LRRC4B: variants seen among roughly 807,000 people sequenced by gnomAD.
LRRC4B encodes the protein leucine-rich repeat-containing protein 4B.
In LRRC4B, 1 loss-of-function variant was observed where a neutral mutation model predicts 7.3. The observed-to-expected ratio is 0.14, with a 90% CI of 0.05 to 0.65. The LOEUF (loss-of-function observed/expected upper bound fraction) is 0.65. LRRC4B is among the 30% of genes least tolerant of loss of function. LRRC4B has a pLI of 0.84. For synonymous variants in LRRC4B, 500 were observed against 499.2 expected, an observed-to-expected ratio of 1.00 and a Z score of -0.02; for missense variants, 730 against 1,041.6, an observed-to-expected ratio of 0.70 and a Z score of 4.12.
chr19:50,532,811 G>C (rs1357707084), intron 2 of LRRC4B, among the ~76,000 whole-genome samples: 1 of 152,208 alleles, frequency 6.6e-6, no homozygotes, highest in African/African-American at 2.4e-5. Context: ...GCCAAGGTCT[G>C]CTGAGTAAAC....
rs1264031892 is a variant in LRRC4B, at chr19:50,548,633, C to T, written c.206G>A (p.Arg69Gln). Residue 69 changes from arginine to glutamine, a missense_variant, in exon 2 of 3, where the codon CGG becomes CAG. Physicochemically the swap from Arg to Gln is conservative, Grantham distance 43 (BLOSUM62 1). Around this residue, in one of 6 missense-constraint regions of LRRC4B, gnomAD observed 143 missense variants for 158.4 expected, o/e 0.90. Coordinates refer to ENST00000652263, the MANE Select transcript of LRRC4B (RefSeq NM_001080457.2). The surrounding 1 kb of genome is among the most constrained non-coding windows in gnomAD (Gnocchi z 6.8). The part of the protein sequence containing the change: ...VACSCSNQAS[R>Q]VICTRRDLAE... ...CAGGTCTCTCCGTGTGCAGATCACC[C>T]GGCTGGCCTGGTTGCTGCAGGAGCA... 3 of 1,587,096 alleles carry T rather than the reference C, an allele frequency of 1.9e-6. No individual in the cohort carries two copies. Among genetic ancestry groups the T allele is most frequent in the Non-Finnish European group, 1.7e-6 (2 of 1,169,350 alleles).
In LRRC4B at chr19:50,548,973, C is replaced by A; in HGVS notation, c.-35-100G>T. 1.6e-6 allele frequency: 1 copy of A among 640,334 alleles called. No individual in the cohort carries two copies. The highest frequency in any genetic ancestry group is 2.6e-6 in the Non-Finnish European group (1 of 377,910). The allele number at this position is 640,334 out of a possible 1,614,324, so 39.7% of individuals were successfully genotyped here. A position where few individuals can be genotyped will look rare whatever the true frequency, so the allele number is the denominator to read the frequency against. On this transcript the variant is annotated intron_variant, in intron 1 of 2. Coordinates refer to ENST00000652263, the MANE Select transcript of LRRC4B (RefSeq NM_001080457.2). This position sits in a 1 kb window ranked among gnomAD's most constrained non-coding sequence, Gnocchi z 6.8. ...CCCAGGCAGCCCCATCGCCGCCTCC[C>A]TGCCCCATGCCCAGAACAAAGGGAC...
At chr19:50,529,493 G>A (rs967915593) in intron 2 of LRRC4B, among the ~76,000 whole-genome samples, 13 of 152,040 alleles carry the variant, frequency 8.6e-5, no homozygotes, top group Non-Finnish European at 1.9e-4. Context: ...AGAGAATGAG[G>A]TGGACTTTAA....
At chr19:50,561,307 C>T (rs765988760) in intron 1 of LRRC4B, among the ~76,000 whole-genome samples, 10 of 152,106 alleles carry the variant, frequency 6.6e-5, no homozygotes, top group African/African-American at 1.9e-4. Flanking sequence ...ATCCTACAAC[C>T]CCCACGTCGG....
intron 2 of LRRC4B, among the ~76,000 whole-genome samples, chr19:50,523,373 C>T (rs993112838): frequency 6.6e-6 from 1 of 152,024 alleles, no homozygotes; most frequent in African/African-American, 2.4e-5. Context: ...AGTATATGCA[C>T]CAAAAGAAAA....
rs59423387 is a variant in LRRC4B at position 50,527,348 on chromosome 19, CTTT to C, written c.298-7936_298-7934del. Among the ~76,000 whole-genome samples, 238 of 124,474 alleles carry C rather than the reference CTTT, an allele frequency of 1.9e-3. 4 individuals carry two copies. The South Asian group carries it at 0.019, about 10-fold the overall frequency. 81.7% of individuals were successfully genotyped at this position (124,474 alleles called of 152,430 possible). ...CGCCCGGCTGTTTTCTTTCTTTTTT[CTTT>C]TTTTTTTTTTTTTTTTAGTAGAGAG... On this transcript the variant is annotated intron_variant, in intron 2 of 2. Transcript: ENST00000652263.
In LRRC4B at chr19:50,553,267, G is replaced by A. The variant is rs1982163115; in HGVS notation, c.-35-4394C>T. ...GTGCGTTCCCCACGGGCAGCGAGGG[G>A]TATCCTGTCAACACCCCATGGACCC... is the stretch of plus-strand genomic sequence containing the variant. On this transcript the variant is annotated intron_variant, in intron 1 of 2. Transcript: ENST00000652263. This position sits in a 1 kb window ranked among gnomAD's most constrained non-coding sequence, Gnocchi z 4.2. Among the ~76,000 whole-genome samples the A allele has an allele frequency of 6.6e-6, 1 of 151,974 alleles. No homozygotes were observed. The highest frequency in any genetic ancestry group is 2.4e-5 in the African/African-American group (1 of 41,378).
intron 2 of LRRC4B, among the ~76,000 whole-genome samples, chr19:50,529,164 C>T (rs746114580): frequency 8.5e-5 from 13 of 152,120 alleles, no homozygotes; most frequent in Non-Finnish European, 1.5e-4. Context: ...TTTCCCGGGA[C>T]GCTAAACACC....
chr19:50,524,299 G>A (rs1170253468), intron 2 of LRRC4B, among the ~76,000 whole-genome samples: 1 of 152,232 alleles, frequency 6.6e-6, no homozygotes, highest in East Asian at 1.9e-4. Flanking sequence ...AGGCTGGAGT[G>A]CAGTGGCGCA....
chr19:50,543,186 A>T (rs1195617037), intron 2 of LRRC4B, among the ~76,000 whole-genome samples: 1 of 152,150 alleles, frequency 6.6e-6, no homozygotes, highest in Non-Finnish European at 1.5e-5. Flanking sequence ...GGTGCTGGGG[A>T]TCCGGCAGGG....
chr19:50,561,085 C>G (rs962179729), intron 1 of LRRC4B, among the ~76,000 whole-genome samples: 1 of 151,752 alleles, frequency 6.6e-6, no homozygotes, highest in Non-Finnish European at 1.5e-5. Context: ...AGTGAGACTC[C>G]GTCTTAAAAA....
chr19:50,530,433 G>T (rs1352873739), intron 2 of LRRC4B, among the ~76,000 whole-genome samples: 7 of 152,192 alleles, frequency 4.6e-5, no homozygotes, highest in African/African-American at 1.7e-4. Context: ...TGCACATGCT[G>T]TTCCCTCTGC....
At chr19:50,527,310 G>T (rs1202152873) in intron 2 of LRRC4B, among the ~76,000 whole-genome samples, 1 of 151,234 alleles carries the variant, frequency 6.6e-6, no homozygotes, top group Admixed American at 6.6e-5. Context: ...GGGATTACAG[G>T]CATGAGCCAC....
chr19:50,548,801 G>T lies in LRRC4B; in HGVS notation c.38C>A (p.Pro13Gln). The T allele has an allele frequency of 1.3e-6, 2 of 1,511,468 alleles. No individual in the cohort carries two copies. The highest frequency in any genetic ancestry group is 1.8e-6 in the Non-Finnish European group (2 of 1,134,648). 93.6% of individuals were successfully genotyped at this position (1,511,468 alleles called of 1,614,324 possible). Residue 13 changes from proline (P) to glutamine (Q), a missense_variant, in exon 2 of 3, where the codon CCG (proline) becomes CAG (glutamine). Coordinates refer to ENST00000652263, the MANE Select transcript of LRRC4B (RefSeq NM_001080457.2). The surrounding 1 kb of genome is among the most constrained non-coding windows in gnomAD (Gnocchi z 6.8). The stretch of plus-strand genomic sequence containing the variant: ...GTGGGGCCAGGACATCCTACCGGGC[G>T]GCAGCGGGGGGCACGGGGAGCCGCG... ...RARGSPCPPL[P>Q]PGRMSWPHGA... is the part of the protein sequence containing the mutation.
Position 50,517,372 on chromosome 19 carries a change from G to A in LRRC4B, c.*199C>T, listed in dbSNP as rs1043802718. The A allele has an allele frequency of 4.8e-6, 2 of 417,072 alleles. No individual in the cohort carries two copies. Among genetic ancestry groups the A allele is most frequent in the African/African-American group, 4.1e-5 (2 of 48,814 alleles). 25.8% of individuals were successfully genotyped at this position (417,072 alleles called of 1,614,324 possible). ...GCGGGGGTGAGGCGAGGATCCCAGAGACTCCGCTCCTGGAGCCCCACCCTG... is the reference window on the plus strand; with the variant it reads ...GCGGGGGTGAGGCGAGGATCCCAGAAACTCCGCTCCTGGAGCCCCACCCTG... On this transcript the variant is annotated 3_prime_UTR_variant, in exon 3 of 3. Coordinates refer to ENST00000652263, the MANE Select transcript of LRRC4B (RefSeq NM_001080457.2). The surrounding 1 kb of genome is among the most constrained non-coding windows in gnomAD (Gnocchi z 6.6).
In LRRC4B at chr19:50,548,751, A is replaced by G; in HGVS notation, c.88T>C (p.Phe30Leu). ...CCACCGGCCCCCAGGGGTGGGGAGA[A>G]GAGCCAGAGGAAGAGCAATGCCCCG... is the stretch of plus-strand genomic sequence containing the variant. Reference protein sequence around the residue: ...PHGALLFLWLFSPPLGAGGGG... With the variant: ...PHGALLFLWLLSPPLGAGGGG... Residue 30 changes from phenylalanine (F) to leucine (L), a missense_variant, in exon 2 of 3, where the codon TTC becomes CTC. Coordinates refer to ENST00000652263, the MANE Select transcript of LRRC4B (RefSeq NM_001080457.2). The surrounding 1 kb of genome is among the most constrained non-coding windows in gnomAD (Gnocchi z 6.8). 6.5e-7 allele frequency: 1 copy of G among 1,540,410 alleles called. No homozygotes were observed. Among genetic ancestry groups the G allele is most frequent in the South Asian group, 1.2e-5 (1 of 83,882 alleles).
In LRRC4B at chr19:50,549,541, G is replaced by C. The variant is rs188835993; in HGVS notation, c.-35-668C>G. Among the ~76,000 whole-genome samples, 221 of 152,356 alleles carry C rather than the reference G, an allele frequency of 1.5e-3. 1 individual carries two copies. The highest frequency in any genetic ancestry group is 5.0e-3 in the African/African-American group (207 of 41,584). On this transcript the variant is annotated intron_variant, in intron 1 of 2. Transcript: ENST00000652263. Reference sequence around the variant, plus strand: ...CTGCCCACCCTGTCCAGGCCCTGTGGGGGCCTCACAGCAGCTTCAGAGACT... The same window carrying C: ...CTGCCCACCCTGTCCAGGCCCTGTGCGGGCCTCACAGCAGCTTCAGAGACT...
chr19:50,530,157 C>T (rs1056643806), intron 2 of LRRC4B, among the ~76,000 whole-genome samples: 8 of 152,150 alleles, frequency 5.3e-5, no homozygotes, highest in African/African-American at 9.7e-5. Context: ...CTGGGCCCGC[C>T]GCAGCCTCCT....
intron 1 of LRRC4B, among the ~76,000 whole-genome samples, chr19:50,551,868 C>T (rs1218780123): frequency 1.3e-5 from 2 of 151,458 alleles, no homozygotes; most frequent in Non-Finnish European, 2.9e-5. Context: ...TCCCTCCCCA[C>T]CCCTCCCTCC....
Sources: gnomAD v4.1 joint callset for allele counts (sites outside exome capture counted in the v4.1 genomes callset) on GRCh38, gnomAD v4.1.1 for gene constraint, gnomAD v4.1.1 regional missense constraint, Gnocchi (gnomAD v3.1) non-coding constraint, MANE v1.5 for transcripts, NCBI Gene and HGNC (gene_info 2026-07-23, HGNC 2026-07-21) for gene names.